The following NXPH1 variants were observed in gnomAD, a reference collection of about 807,000 sequenced individuals.
The protein encoded by NXPH1 is neurexophilin 1.
In NXPH1, 5 loss-of-function variants were observed where a neutral mutation model predicts 23.7. The observed-to-expected ratio is 0.21, with a 90% CI of 0.11 to 0.44. The LOEUF (loss-of-function observed/expected upper bound fraction) is 0.44. NXPH1 is among the 20% of genes least tolerant of loss of function. The pLI is 0.99. For missense variants in NXPH1, 324 were observed against 321.6 expected (o/e 1.01, Z -0.06); for synonymous variants, 144 against 122.2 (o/e 1.18, Z -1.18).
chr7:8,438,114 G>A (rs1409076855), intron 2 of NXPH1, among the ~76,000 whole-genome samples: 1 of 152,162 alleles, frequency 6.6e-6, no homozygotes, highest in Non-Finnish European at 1.5e-5. Context: ...CTTCTACCAT[G>A]GAAATGAATT....
At chr7:8,604,306 T>C (rs1162458914) in intron 2 of NXPH1, among the ~76,000 whole-genome samples, 2 of 152,174 alleles carry the variant, frequency 1.3e-5, no homozygotes, top group Non-Finnish European at 2.9e-5. Context: ...TTTCTAATTA[T>C]CTTGTACAAA....
chr7:8,494,081 G>A (rs1817297440), intron 2 of NXPH1, among the ~76,000 whole-genome samples: 1 of 151,972 alleles, frequency 6.6e-6, no homozygotes, highest in African/African-American at 2.4e-5. Context: ...GGATATTGAA[G>A]GCCTTTACTG....
In NXPH1 at chr7:8,589,409, A is replaced by G. The variant is rs114334885; in HGVS notation, c.54+153642A>G. Among the ~76,000 whole-genome samples, 565 of 152,204 alleles carry G rather than the reference A, an allele frequency of 3.7e-3. 5 individuals carry two copies. Among genetic ancestry groups the G allele is most frequent in the African/African-American group, 0.013 (536 of 41,524 alleles). On this transcript the variant is annotated intron_variant, in intron 2 of 2. Transcript: ENST00000405863. Reference sequence around the variant, plus strand: ...TTGAAATATTACTATCCAGAAGGAGAAAGTAAGTATGCACACCAGCAAACA... The same window carrying G: ...TTGAAATATTACTATCCAGAAGGAGGAAGTAAGTATGCACACCAGCAAACA...
At chr7:8,547,291 A>G (rs995414445) in intron 2 of NXPH1, among the ~76,000 whole-genome samples, 1 of 151,362 alleles carries the variant, frequency 6.6e-6, no homozygotes, top group South Asian at 2.1e-4. Context: ...CAAATTTTAG[A>G]AAAACATATA....
At chr7:8,487,569 T>C (rs1196055999) in intron 2 of NXPH1, among the ~76,000 whole-genome samples, 1 of 152,152 alleles carries the variant, frequency 6.6e-6, no homozygotes, top group African/African-American at 2.4e-5. Context: ...AGCTTCTCTC[T>C]TGTCCTTCCA....
At chr7:8,645,614 ACTT>A (rs56275443) in intron 2 of NXPH1, among the ~76,000 whole-genome samples, 101,609 of 151,298 alleles carry the variant, frequency 0.67, 34,547 homozygotes, top group East Asian at 0.83. Context: ...ATCTCTTTTT[ACTT>A]CTTCTAATGT....
At chr7:8,655,432 C>A (rs1184683715) in intron 2 of NXPH1, among the ~76,000 whole-genome samples, 3 of 53,812 alleles carry the variant, frequency 5.6e-5, no homozygotes, top group East Asian at 6.4e-3. Flanking sequence ...CTCTCTCTCT[C>A]TCTCTCTCTC....
chr7:8,599,696 G>A (rs1226955237), intron 2 of NXPH1, among the ~76,000 whole-genome samples: 1 of 151,888 alleles, frequency 6.6e-6, no homozygotes, highest in Admixed American at 6.6e-5. Context: ...CTGGTTTATT[G>A]TACTAGTACT....
At chr7:8,475,666 C>CT (rs913882761) in intron 2 of NXPH1, among the ~76,000 whole-genome samples, 4 of 151,852 alleles carry the variant, frequency 2.6e-5, no homozygotes, top group Admixed American at 6.6e-5. Flanking sequence ...GTGGGAAGCT[C>CT]TTTTTTTTCC....
intron 2 of NXPH1, among the ~76,000 whole-genome samples, chr7:8,625,309 A>C (rs542808661): frequency 6.6e-6 from 1 of 152,148 alleles, no homozygotes; most frequent in Non-Finnish European, 1.5e-5. Context: ...TGAGGAGATG[A>C]TATATTATGT....
chr7:8,670,315 G>A (rs1217854505), intron 2 of NXPH1, among the ~76,000 whole-genome samples: 2 of 152,150 alleles, frequency 1.3e-5, no homozygotes, highest in African/African-American at 4.8e-5. Flanking sequence ...CATTTTTAGT[G>A]TTGAAATCTC....
chr7:8,660,057 T>G (rs1002290620), intron 2 of NXPH1, among the ~76,000 whole-genome samples: 2 of 152,246 alleles, frequency 1.3e-5, no homozygotes, highest in African/African-American at 4.8e-5. Context: ...TTTCTTCATC[T>G]TGCAATATTA....
chr7:8,604,910 C>A (rs1032109105), intron 2 of NXPH1, among the ~76,000 whole-genome samples: 3 of 152,118 alleles, frequency 2.0e-5, no homozygotes, highest in Admixed American at 6.6e-5. Context: ...ACACTGAGTA[C>A]TTCCAAATAA....
intron 2 of NXPH1, among the ~76,000 whole-genome samples, chr7:8,477,133 G>A (rs1174727972): frequency 1.3e-5 from 2 of 151,966 alleles, no homozygotes; most frequent in Non-Finnish European, 1.5e-5. Flanking sequence ...CTCCTTCTTG[G>A]TTCTAAAATG....
chr7:8,565,388 A>G (rs538005935), intron 2 of NXPH1, among the ~76,000 whole-genome samples: 2 of 151,868 alleles, frequency 1.3e-5, no homozygotes, highest in African/African-American at 2.4e-5. Flanking sequence ...CAAGGAAGAC[A>G]TAAGTCAATA....
intron 2 of NXPH1, among the ~76,000 whole-genome samples, chr7:8,555,821 T>C (rs188677659): frequency 2.6e-5 from 4 of 151,852 alleles, no homozygotes; most frequent in Admixed American, 1.3e-4. Flanking sequence ...TACTTTATAT[T>C]TTTTATCTTA....
chr7:8,616,740 A>T (rs111372121), intron 2 of NXPH1, among the ~76,000 whole-genome samples: 2,043 of 152,026 alleles, frequency 0.013, 59 homozygotes, highest in African/African-American at 0.046. Context: ...GAGGCAAAAA[A>T]GGTAGGTAAA....
At chr7:8,647,193 G>A (rs1046017823) in intron 2 of NXPH1, among the ~76,000 whole-genome samples, 2 of 152,194 alleles carry the variant, frequency 1.3e-5, no homozygotes, top group Non-Finnish European at 2.9e-5. Context: ...CAGATGCACA[G>A]GCTGCGCCTG....
intron 2 of NXPH1, among the ~76,000 whole-genome samples, chr7:8,632,912 T>G (rs1361593063): frequency 6.6e-6 from 1 of 152,240 alleles, no homozygotes; most frequent in Non-Finnish European, 1.5e-5. Flanking sequence ...AATATATTTT[T>G]GGGGCAGATT....
Sources: allele counts gnomAD v4.1 joint callset (sites outside exome capture counted in the v4.1 genomes callset), GRCh38; gene constraint gnomAD v4.1.1; transcripts MANE v1.5; gene names NCBI Gene and HGNC (gene_info 2026-07-23, HGNC 2026-07-21).